ZFP64: variants seen among roughly 807,000 people sequenced by gnomAD.
The protein encoded by ZFP64 is zinc finger protein 64.
ZFP64 carries 14 observed loss-of-function variants against 51.6 expected under a neutral mutation model. The observed-to-expected ratio is 0.27, with a 90% confidence interval of 0.18 to 0.42. The LOEUF (loss-of-function observed/expected upper bound fraction) is 0.42. ZFP64 is among the 10% of genes least tolerant of loss of function. The pLI is 1.00. For synonymous variants in ZFP64, 375 were observed against 361.4 expected (o/e 1.04, Z -0.43); for missense variants, 754 against 906.8 (o/e 0.83, Z 2.16).
intron 5 of ZFP64, among the ~76,000 whole-genome samples, chr20:52,125,758 A>AC (rs1707571865): frequency 2.0e-5 from 3 of 152,154 alleles, no homozygotes; most frequent in African/African-American, 7.2e-5. Context: ...CCTAATGATA[A>AC]CTATCAGCCA....
chr20:52,114,171 T>G (rs903230100), intron 5 of ZFP64, among the ~76,000 whole-genome samples: 1 of 152,178 alleles, frequency 6.6e-6, no homozygotes, highest in South Asian at 2.1e-4. Context: ...AGGTCACTTA[T>G]GATTAAAGAA....
chr20:52,117,075 A>ACACG (rs1284021187), intron 5 of ZFP64, among the ~76,000 whole-genome samples: 38 of 146,912 alleles, frequency 2.6e-4, no homozygotes, highest in African/African-American at 9.4e-4. Flanking sequence ...TGTCTCACAC[A>ACACG]CACACGCACA....
At chr20:52,115,412 C>CTTTTT in intron 5 of ZFP64, among the ~76,000 whole-genome samples, 1 of 124,124 alleles carries the variant, frequency 8.1e-6, no homozygotes, top group Admixed American at 8.3e-5. Context: ...CTCGCTACAG[C>CTTTTT]TTTTTTTTTT....
chr20:52,165,349 C>G (rs1310978771), intron 3 of ZFP64: 1 of 455,644 alleles, frequency 2.2e-6, no homozygotes, highest in East Asian at 6.9e-5. Context: ...AGGGGCATCA[C>G]ATTGTCAGCA....
At chr20:52,140,890 T>C (rs1298711618) in intron 5 of ZFP64, among the ~76,000 whole-genome samples, 1 of 152,192 alleles carries the variant, frequency 6.6e-6, no homozygotes, top group East Asian at 1.9e-4. Flanking sequence ...CTGACTTTCT[T>C]GTTAGGGGCT....
chr20:52,175,551 T>G (rs1416237385), intron 2 of ZFP64, among the ~76,000 whole-genome samples: 1 of 152,182 alleles, frequency 6.6e-6, no homozygotes, highest in Non-Finnish European at 1.5e-5. Flanking sequence ...AAACTCAGAA[T>G]TCACTGTCTG....
In ZFP64 at chr20:52,135,185, G is replaced by A. The variant is rs186514101; in HGVS notation, c.763+24938C>T. ...GGTCTGGTTTTCACATTTTTAACTG[G>A]TTAACAAAAATCAAAAGAAAATTAA... On this transcript the variant is annotated intron_variant, in intron 5 of 8. Coordinates refer to the ZFP64 transcript ENST00000361387. 3.2e-4 allele frequency among the ~76,000 whole-genome samples: 49 copies of A among 152,158 alleles called. No homozygotes were observed. In the East Asian group the frequency reaches 6.2e-3, roughly 19 times the overall value.
At chr20:52,167,105 A>G (rs1600789825) in intron 2 of ZFP64, among the ~76,000 whole-genome samples, 1 of 152,054 alleles carries the variant, frequency 6.6e-6, no homozygotes, top group South Asian at 2.1e-4. Context: ...CAGGTGGATC[A>G]CCTGCGGTCA....
intron 7 of ZFP64, among the ~76,000 whole-genome samples, chr20:52,094,724 G>C (rs868338507): frequency 6.6e-6 from 1 of 151,658 alleles, no homozygotes; most frequent in Non-Finnish European, 1.5e-5. Flanking sequence ...CAGAGCAAGA[G>C]AAGACCCTGT....
chr20:52,084,823 G>C (rs763827510), exon 9 of ZFP64: 19 of 1,614,118 alleles, frequency 1.2e-5, no homozygotes, highest in Non-Finnish European at 1.6e-5. Flanking sequence ...TCCTTGCCCA[G>C]AGGGGCCCGG....
At chr20:52,175,115 CTTTTGTTTTG>C (rs547789188) in intron 2 of ZFP64, among the ~76,000 whole-genome samples, 2 of 151,854 alleles carry the variant, frequency 1.3e-5, no homozygotes, top group African/African-American at 2.4e-5. Flanking sequence ...AGGATACTAT[CTTTTGTTTTG>C]TTTTGTTTTG....
chr20:52,190,023 C>T (rs565183553), intron 1 of ZFP64, among the ~76,000 whole-genome samples: 3 of 152,150 alleles, frequency 2.0e-5, no homozygotes, highest in South Asian at 4.2e-4. Context: ...TACATTATGT[C>T]CAATTTTCCC....
At chr20:52,090,019 G>A (rs951040267) in intron 7 of ZFP64, among the ~76,000 whole-genome samples, 24 of 152,164 alleles carry the variant, frequency 1.6e-4, no homozygotes, top group Non-Finnish European at 3.1e-4. Flanking sequence ...GGAAGATACA[G>A]CTAAAGAATC....
intron 5 of ZFP64, among the ~76,000 whole-genome samples, chr20:52,102,079 T>G (rs1600705520): frequency 8.8e-6 from 1 of 113,984 alleles, no homozygotes; most frequent in South Asian, 2.5e-4. Flanking sequence ...GCCACTGCAC[T>G]CCAGCCTGGT....
At chr20:52,106,081 G>A (rs1223858226) in intron 5 of ZFP64, among the ~76,000 whole-genome samples, 1 of 152,194 alleles carries the variant, frequency 6.6e-6, no homozygotes, top group Non-Finnish European at 1.5e-5. Context: ...GCACGCGCCC[G>A]CTCCCGCCCC....
chr20:52,175,865 C>A, intron 2 of ZFP64: 2 of 675,270 alleles, frequency 3.0e-6, no homozygotes. Flanking sequence ...CCCGCTGCCG[C>A]CCCCGCCCCC....
chr20:52,136,849 C>T (rs1466857462), intron 5 of ZFP64, among the ~76,000 whole-genome samples: 2 of 152,148 alleles, frequency 1.3e-5, no homozygotes, highest in South Asian at 4.1e-4. Context: ...TCACTGCAAC[C>T]TCTGCCTCCC....
chr20:52,141,683 A>G (rs1980262435), intron 5 of ZFP64, among the ~76,000 whole-genome samples: 1 of 152,220 alleles, frequency 6.6e-6, no homozygotes, highest in African/African-American at 2.4e-5. Flanking sequence ...TCCTTGAGAT[A>G]GAATCGACTC....
At chr20:52,187,328 C>G (rs1367201032) in intron 1 of ZFP64, among the ~76,000 whole-genome samples, 3 of 151,932 alleles carry the variant, frequency 2.0e-5, no homozygotes, top group African/African-American at 7.3e-5. Context: ...TCTTAGAAAT[C>G]TTCAGAAAAT....
Sources: gnomAD v4.1 joint callset for allele counts (sites outside exome capture counted in the v4.1 genomes callset) on GRCh38, gnomAD v4.1.1 for gene constraint, MANE v1.5 for transcripts, NCBI Gene and HGNC (gene_info 2026-07-23, HGNC 2026-07-21) for gene names.